Variants in EIF4G3 observed in about 807,000 individuals in gnomAD.
The protein encoded by EIF4G3 is eIF-4-gamma 3.
EIF4G3 carries 34 observed loss-of-function variants against 186.4 expected under a neutral mutation model. That is an observed-to-expected ratio of 0.18 (90% CI 0.14 to 0.24). The LOEUF is 0.24. Ranked by LOEUF, EIF4G3 falls within the 10% of genes least tolerant of loss-of-function variation. The pLI, the probability that EIF4G3 is intolerant of heterozygous loss-of-function variation, is 1.00. For synonymous variants in EIF4G3, 673 were observed against 679.5 expected (o/e 0.99, Z 0.15); for missense variants, 1,536 against 1,948.5 (o/e 0.79, Z 3.99).
chr1:21,113,146 C>CAAAA (rs5772939), intron 2 of EIF4G3, among the ~76,000 whole-genome samples: 3 of 51,464 alleles, frequency 5.8e-5, no homozygotes, highest in Non-Finnish European at 9.8e-5. Flanking sequence ...GGCCCTATCT[C>CAAAA]AAAAAAAAAA....
intron 14 of EIF4G3, among the ~76,000 whole-genome samples, chr1:20,939,858 T>G (rs957783223): frequency 7.0e-6 from 1 of 143,656 alleles, no homozygotes; most frequent in African/African-American, 2.6e-5. Flanking sequence ...TTTTTTTTTT[T>G]TTTTTTTTTT....
intron 13 of EIF4G3, among the ~76,000 whole-genome samples, chr1:20,948,278 T>A (rs2096058142): frequency 6.6e-6 from 1 of 152,230 alleles, no homozygotes; most frequent in Admixed American, 6.5e-5. Context: ...CAAGTCGACT[T>A]CCACATTTGG....
chr1:20,827,523 C>G (rs1255770576), intron 32 of EIF4G3, 94 bp downstream of exon 32: 2 of 644,860 alleles, frequency 3.1e-6, no homozygotes, highest in Non-Finnish European at 5.2e-6. Flanking sequence ...ATTACTTGCA[C>G]CCTGAGACCT....
chr1:21,044,428 A>T (rs894886546), intron 4 of EIF4G3, among the ~76,000 whole-genome samples: 3 of 152,124 alleles, frequency 2.0e-5, no homozygotes, highest in African/African-American at 7.2e-5. Context: ...TGTAAAAACT[A>T]TACATTTTGC....
intron 2 of EIF4G3, among the ~76,000 whole-genome samples, chr1:21,159,816 T>G (rs1036855362): frequency 5.5e-5 from 8 of 146,056 alleles, no homozygotes; most frequent in Non-Finnish European, 1.2e-4. Context: ...AACTGAAAAA[T>G]TATCCAGATG....
chr1:20,941,128 C>G, intron 14 of EIF4G3: 1 of 1,218,048 alleles, frequency 8.2e-7, no homozygotes, highest in Non-Finnish European at 1.1e-6. Context: ...GAATTAGGGA[C>G]TATAGACCAT....
At chr1:20,960,237 T>TGGGC (rs199564478) in intron 12 of EIF4G3, among the ~76,000 whole-genome samples, 13,635 of 151,828 alleles carry the variant, frequency 0.09, 853 homozygotes, top group East Asian at 0.26. Context: ...GAGGCTGAGG[T>TGGGC]GGGCAGATCA....
intron 3 of EIF4G3, among the ~76,000 whole-genome samples, chr1:21,067,134 T>TTG (rs1309561104): frequency 1.1e-3 from 157 of 148,204 alleles, no homozygotes; most frequent in African/African-American, 3.4e-3. Flanking sequence ...TTCTTTTCTT[T>TTG]TTTTTTTTTT....
chr1:21,039,200 C>A (rs1411143670), intron 4 of EIF4G3, among the ~76,000 whole-genome samples: 3 of 152,178 alleles, frequency 2.0e-5, no homozygotes, highest in African/African-American at 7.2e-5. Flanking sequence ...GGGTAAAGGA[C>A]AGTCTTTTCA....
At chr1:21,164,578 T>C (rs944123266) in intron 2 of EIF4G3, among the ~76,000 whole-genome samples, 1 of 151,868 alleles carries the variant, frequency 6.6e-6, no homozygotes, top group African/African-American at 2.4e-5. Flanking sequence ...AATAAAAAAC[T>C]AGGCAGGAGT....
intron 2 of EIF4G3, among the ~76,000 whole-genome samples, chr1:21,140,781 T>TA (rs1307736459): frequency 6.6e-6 from 1 of 152,234 alleles, no homozygotes; most frequent in Non-Finnish European, 1.5e-5. Context: ...GAAAAGCAGT[T>TA]AATTACTTCC....
At chr1:20,959,694 T>TC (rs1437821443) in intron 12 of EIF4G3, among the ~76,000 whole-genome samples, 16 of 135,496 alleles carry the variant, frequency 1.2e-4, no homozygotes, top group Middle Eastern at 8.1e-3. Flanking sequence ...ATAATAATAA[T>TC]AATCCCATCA....
At chr1:21,100,632 G>C (rs955467114) in intron 2 of EIF4G3, among the ~76,000 whole-genome samples, 3 of 152,070 alleles carry the variant, frequency 2.0e-5, no homozygotes, top group African/African-American at 7.2e-5. Context: ...GGAGTCTGAG[G>C]CAGAAGGATC....
intron 2 of EIF4G3, among the ~76,000 whole-genome samples, chr1:21,171,806 T>C (rs1476519397): frequency 6.6e-6 from 1 of 152,192 alleles, no homozygotes; most frequent in Non-Finnish European, 1.5e-5. Flanking sequence ...TAAGATAAGA[T>C]ATCTACTACA....
At chr1:21,047,213 T>G (rs1465367481) in intron 4 of EIF4G3, among the ~76,000 whole-genome samples, 1 of 152,188 alleles carries the variant, frequency 6.6e-6, no homozygotes, top group Non-Finnish European at 1.5e-5. Context: ...ATCCATGAAC[T>G]TGGTGGGGCA....
At chr1:20,952,348 G>A (rs936106390) in intron 12 of EIF4G3, among the ~76,000 whole-genome samples, 3 of 151,860 alleles carry the variant, frequency 2.0e-5, no homozygotes, top group African/African-American at 7.3e-5. Context: ...TAGAGACAGG[G>A]TTTCACCATG....
rs1193601902 is a variant in EIF4G3, at chr1:21,173,137, C to CAAAA, written c.-272+3034_-272+3037dup. 6.1e-3 allele frequency among the ~76,000 whole-genome samples: 178 copies of CAAAA among 29,182 alleles called. 19 individuals carry two copies. Among genetic ancestry groups the CAAAA allele is most frequent in the African/African-American group, 0.017 (148 of 8,744 alleles). 19.1% of individuals were successfully genotyped at this position (29,182 alleles called of 152,430 possible). A position where few individuals can be genotyped will look rare whatever the true frequency, so the allele number is the denominator to read the frequency against. On this transcript the variant is annotated intron_variant, in intron 2 of 36. Transcript: ENST00000602326. ...CTGGCAACAGAGCGAGACTCAATCTCAAAAAAAAAAAAAAAAAAAAAAAAA... is the reference window on the plus strand; with the variant it reads ...CTGGCAACAGAGCGAGACTCAATCTCAAAAAAAAAAAAAAAAAAAAAAAAAAAAA...
At chr1:20,971,684 G>T (rs1421504142) in intron 11 of EIF4G3, among the ~76,000 whole-genome samples, 1 of 152,190 alleles carries the variant, frequency 6.6e-6, no homozygotes, top group African/African-American at 2.4e-5. Flanking sequence ...TGTTGCCCAG[G>T]CTGGAGTGCA....
intron 2 of EIF4G3, among the ~76,000 whole-genome samples, chr1:21,120,905 C>G (rs964874084): frequency 2.0e-5 from 3 of 152,078 alleles, no homozygotes; most frequent in Admixed American, 6.6e-5. Flanking sequence ...AGTTTAGTTT[C>G]CTAACCTGTA....
Sources: gnomAD v4.1 joint callset for allele counts (sites outside exome capture counted in the v4.1 genomes callset) on GRCh38, gnomAD v4.1.1 for gene constraint, MANE v1.5 for transcripts, NCBI Gene and HGNC (gene_info 2026-07-23, HGNC 2026-07-21) for gene names.